CDH12: variants seen among roughly 807,000 people sequenced by gnomAD.
The protein encoded by CDH12 is cadherin 12, also known as cadherin-12.
Under a neutral mutation model 74.1 loss-of-function variants are expected in CDH12, and 41 were observed. That is an observed-to-expected ratio of 0.55 (90% CI 0.43 to 0.72). The LOEUF (loss-of-function observed/expected upper bound fraction) is 0.72, where lower values mean the gene tolerates loss of function less well. Among genes scored for constraint, CDH12 ranks in the 30% least tolerant of loss-of-function variants. The probability of loss-of-function intolerance (pLI) is 0.00; values close to 1 mark genes in which losing one functional copy is unlikely to be tolerated. For missense variants in CDH12, 945 were observed against 977.2 expected (o/e 0.97, Z 0.44); for synonymous variants, 399 against 355.0 (o/e 1.12, Z -1.39).
At chr5:22,820,374 G>C (rs376042162) in intron 1 of CDH12, among the ~76,000 whole-genome samples, 2 of 151,958 alleles carry the variant, frequency 1.3e-5, no homozygotes, top group African/African-American at 2.4e-5. Flanking sequence ...CAAATCATGG[G>C]GTCTGGTCTT....
chr5:21,988,139 C>G (rs1757591871), intron 5 of CDH12, among the ~76,000 whole-genome samples: 1 of 152,236 alleles, frequency 6.6e-6, no homozygotes, highest in East Asian at 1.9e-4. Context: ...CCTCCTCCCC[C>G]CATATAACAC....
intron 4 of CDH12, among the ~76,000 whole-genome samples, chr5:22,175,954 C>T (rs1469433124): frequency 6.6e-6 from 1 of 152,188 alleles, no homozygotes; most frequent in Non-Finnish European, 1.5e-5. Context: ...CTTCCTTTCT[C>T]CACTCCTAAA....
chr5:22,746,157 T>C (rs1420937040), intron 1 of CDH12, among the ~76,000 whole-genome samples: 2 of 152,066 alleles, frequency 1.3e-5, no homozygotes, highest in Non-Finnish European at 2.9e-5. Context: ...AAGAAGACAA[T>C]TGGTATATAT....
intron 11 of CDH12, among the ~76,000 whole-genome samples, chr5:21,769,994 G>A (rs911505751): frequency 2.0e-5 from 3 of 152,078 alleles, no homozygotes; most frequent in Non-Finnish European, 2.9e-5. Flanking sequence ...GTTTCTCAAC[G>A]CTCTATGATA....
intron 1 of CDH12, among the ~76,000 whole-genome samples, chr5:22,722,084 C>T (rs1486172324): frequency 6.6e-6 from 1 of 152,202 alleles, no homozygotes; most frequent in East Asian, 1.9e-4. Flanking sequence ...TGGCTACACC[C>T]TCAGGTGTCT....
chr5:22,449,205 C>T (rs185141523), intron 2 of CDH12, among the ~76,000 whole-genome samples: 304 of 152,100 alleles, frequency 2.0e-3, no homozygotes, highest in African/African-American at 7.1e-3. Context: ...GTAGTAATGA[C>T]AGAACGAACA....
At chr5:21,993,727 G>A (rs62349067) in intron 5 of CDH12, among the ~76,000 whole-genome samples, 3,612 of 150,840 alleles carry the variant, frequency 0.024, 72 homozygotes, top group Non-Finnish European at 0.036. Flanking sequence ...TTTCAATCTT[G>A]TGAGACCCTG....
intron 1 of CDH12, among the ~76,000 whole-genome samples, chr5:22,691,780 C>T (rs542908134): frequency 1.1e-4 from 16 of 152,192 alleles, no homozygotes; most frequent in African/African-American, 3.9e-4. Context: ...CTAATTGTCA[C>T]CCTTTTCTTA....
At chr5:22,692,063 G>T (rs1045372994) in intron 1 of CDH12, among the ~76,000 whole-genome samples, 1 of 152,150 alleles carries the variant, frequency 6.6e-6, no homozygotes, top group East Asian at 1.9e-4. Context: ...TGAGGTGTTT[G>T]GGTCATGGGG....
At chr5:22,831,279 T>A (rs1736588350) in intron 1 of CDH12, among the ~76,000 whole-genome samples, 1 of 151,708 alleles carries the variant, frequency 6.6e-6, no homozygotes, top group Non-Finnish European at 1.5e-5. Flanking sequence ...TAAATGTGAA[T>A]TAGTGAAAGA....
At chr5:22,011,887 C>CAAATGTTTGAATGAAG (rs1431486084) in intron 5 of CDH12, among the ~76,000 whole-genome samples, 2 of 151,908 alleles carry the variant, frequency 1.3e-5, no homozygotes, top group African/African-American at 4.8e-5. Context: ...ATTTATTTAC[C>CAAATGTTTGAATGAAG]AAATGAAGAA....
intron 1 of CDH12, among the ~76,000 whole-genome samples, chr5:22,819,536 T>C (rs1327712094): frequency 6.6e-6 from 1 of 151,958 alleles, no homozygotes; most frequent in South Asian, 2.1e-4. Flanking sequence ...CAAATTTCCT[T>C]TGGAAAAAAG....
Position 22,792,181 on chromosome 5 carries a change from T to C in CDH12, c.-523+60877A>G, listed in dbSNP as rs541652412. Reference sequence around the variant, plus strand: ...TCGGCTCACTGTGACCTCCGCCTCCTGGGTTCAGGCGATTCTCCTGCCTCA... The same window carrying C: ...TCGGCTCACTGTGACCTCCGCCTCCCGGGTTCAGGCGATTCTCCTGCCTCA... On this transcript the variant is annotated intron_variant, in intron 1 of 14. Transcript: ENST00000382254. Among the ~76,000 whole-genome samples the C allele has an allele frequency of 6.9e-4, 104 of 149,724 alleles. 4 individuals are homozygous for C. Among genetic ancestry groups the C allele is most frequent in the Non-Finnish European group, 3.0e-4 (20 of 67,628 alleles).
intron 3 of CDH12, among the ~76,000 whole-genome samples, chr5:22,230,473 AT>A (rs35066570): frequency 0.49 from 64,932 of 133,316 alleles, 15,419 homozygotes; most frequent in Middle Eastern, 0.62. Context: ...AGATGTCATA[AT>A]TTTTTTTTTT....
intron 4 of CDH12, among the ~76,000 whole-genome samples, chr5:22,210,959 A>G (rs1561224178): frequency 6.6e-6 from 1 of 152,226 alleles, no homozygotes; most frequent in Non-Finnish European, 1.5e-5. Flanking sequence ...AAGTCTCAGA[A>G]CAAGAGAAGT....
chr5:22,368,940 C>T (rs1741152085), intron 3 of CDH12, among the ~76,000 whole-genome samples: 1 of 151,946 alleles, frequency 6.6e-6, no homozygotes, highest in African/African-American at 2.4e-5. Context: ...ACCAGCCTGG[C>T]CAACATGGTG....
intron 1 of CDH12, among the ~76,000 whole-genome samples, chr5:22,511,993 T>C (rs1392715537): frequency 6.6e-6 from 1 of 151,998 alleles, no homozygotes; most frequent in Non-Finnish European, 1.5e-5. Flanking sequence ...TGTGTGTGTT[T>C]GTTGAGCATG....
chr5:22,056,079 G>T (rs1740723155), intron 5 of CDH12, among the ~76,000 whole-genome samples: 1 of 151,792 alleles, frequency 6.6e-6, no homozygotes, highest in African/African-American at 2.4e-5. Context: ...ATTTTTTATT[G>T]TAATGAACAT....
At chr5:21,957,968 C>T (rs1756176409) in intron 6 of CDH12, among the ~76,000 whole-genome samples, 1 of 152,122 alleles carries the variant, frequency 6.6e-6, no homozygotes, top group Non-Finnish European at 1.5e-5. Context: ...CAAATCTCAT[C>T]TTGAATTATA....
Sources: gnomAD v4.1 joint callset for allele counts (sites outside exome capture counted in the v4.1 genomes callset) on GRCh38, gnomAD v4.1.1 for gene constraint, MANE v1.5 for transcripts, NCBI Gene and HGNC (gene_info 2026-07-23, HGNC 2026-07-21) for gene names.